The following CD1E variants were observed in gnomAD, a reference collection of about 807,000 sequenced individuals.
CD1E encodes the protein T-cell surface glycoprotein CD1e, membrane-associated.
CD1E carries 49 observed loss-of-function variants against 40.1 expected under a neutral mutation model. That is an observed-to-expected ratio of 1.22 (90% confidence interval 0.97 to 1.55). The LOEUF is 1.55. Among genes scored for constraint, CD1E ranks in the 40% most tolerant of loss-of-function variants. The pLI is 0.00. For synonymous variants in CD1E, 189 were observed against 178.3 expected (o/e 1.06, Z -0.48); for missense variants, 492 against 471.3 (o/e 1.04, Z -0.41).
chr1:158,356,842 G>A lies in CD1E; in HGVS notation c.1113G>A (p.Trp371Ter). Residue 371 changes from tryptophan (W) to a stop codon, truncating the protein, a stop_gained, in exon 6 of 6, where the codon TGG becomes TGA. Coordinates refer to ENST00000368167, the MANE Select transcript of CD1E (RefSeq NM_030893.4). LOFTEE classifies it low-confidence loss of function (END_TRUNC). ...AGTTCTGCTTGGCACAAGTATCGTG[G>A]ATCAAAAACAGAGTATTGAAGAAGT... is the stretch of plus-strand genomic sequence containing the variant. ...RHQFCLAQVS[W>*]IKNRVLKKWK... 2 of 1,613,806 alleles carry A rather than the reference G, an allele frequency of 1.2e-6. No homozygotes were observed.
Position 158,356,774 on chromosome 1 carries a change from C to G in CD1E, c.1045C>G (p.Leu349Val). The G allele has an allele frequency of 6.2e-7, 1 of 1,613,770 alleles. No homozygotes were observed. ...TCCCCACACACCCAGCCCTGTCTTT[C>G]TCATGGGAGCCAACACTCAGGACAC... is the stretch of plus-strand genomic sequence containing the variant. ...LSPHTPSPVF[L>V]MGANTQDTKN... The change falls in exon 6 of 6, where the codon CTC becomes GTC. Residue 349 changes from leucine (L) to valine (V), a missense_variant. By Grantham distance (32) the Leu-to-Val change is conservative. Coordinates refer to ENST00000368167, the MANE Select transcript of CD1E (RefSeq NM_030893.4).
In CD1E at chr1:158,355,905, T is replaced by A; in HGVS notation, c.704T>A (p.Phe235Tyr). Residue 235 changes from phenylalanine to tyrosine, a missense_variant, in exon 4 of 6, where the codon TTC becomes TAC. Physicochemically the swap from Phe to Tyr is conservative, Grantham distance 22. Coordinates refer to ENST00000368167, the MANE Select transcript of CD1E (RefSeq NM_030893.4). ...CAGCTTGTGTGCCATGTCTCAGGAT[T>A]CTACCCAAAGCCCGTGTGGGTGATG... Reference protein sequence around the residue: ...RLQLVCHVSGFYPKPVWVMWM... With the variant: ...RLQLVCHVSGYYPKPVWVMWM... The A allele has an allele frequency of 1.2e-6, 2 of 1,614,102 alleles. No homozygotes were observed. The highest frequency in any genetic ancestry group is 1.7e-6 in the Non-Finnish European group (2 of 1,180,026).
intron 2 of CD1E, 135 bp from the exon 3 acceptor site, chr1:158,355,165 T>G: frequency 1.2e-6 from 1 of 801,196 alleles, no homozygotes; most frequent in South Asian, 1.7e-5. Flanking sequence ...TTCTTCCCCT[T>G]TGCCAGTAAA....
chr1:158,355,644 A>G, intron 3 of CD1E, 75 bp downstream of exon 3: 2 of 1,506,342 alleles, frequency 1.3e-6, no homozygotes, highest in Non-Finnish European at 1.8e-6. Context: ...TCTCATCATC[A>G]TTTTGAAAGA....
intron 4 of CD1E, 42 bp downstream of exon 4, chr1:158,356,147 G>T (rs751555630): frequency 2.6e-5 from 42 of 1,606,474 alleles, no homozygotes; most frequent in Non-Finnish European, 1.1e-5. Flanking sequence ...AATGAAAATA[G>T]CCCTGGGGCT....
Position 158,355,449 on chromosome 1 carries a change from T to C in CD1E, c.505T>C (p.Cys169Arg). The C allele has an allele frequency of 6.2e-7, 1 of 1,614,108 alleles. No homozygotes were observed. Among genetic ancestry groups the C allele is most frequent in the Non-Finnish European group, 8.5e-7 (1 of 1,180,008 alleles). Reference protein sequence around the residue: ...PGAGIRAQNICKVLNRYLDIK... With the variant: ...PGAGIRAQNIRKVLNRYLDIK... ...AGCAGGGATCCGGGCCCAGAACATC[T>C]GTAAAGTGCTCAATCGCTACCTAGA... is the stretch of plus-strand genomic sequence containing the variant. Residue 169 changes from cysteine (C) to arginine (R), a missense_variant, in exon 3 of 6, where the codon TGT (cysteine) becomes CGT (arginine). Cys to Arg is a radical substitution (Grantham distance 180). Transcript: ENST00000368167.
In CD1E at chr1:158,356,843, A is replaced by G; in HGVS notation, c.1114A>G (p.Ile372Val). Reference sequence around the variant, plus strand: ...GTTCTGCTTGGCACAAGTATCGTGGATCAAAAACAGAGTATTGAAGAAGTG... The same window carrying G: ...GTTCTGCTTGGCACAAGTATCGTGGGTCAAAAACAGAGTATTGAAGAAGTG... ...HQFCLAQVSW[I>V]KNRVLKKWKT... is the part of the protein sequence containing the mutation. Residue 372 changes from isoleucine to valine, a missense_variant, in exon 6 of 6, where the codon ATC becomes GTC. Coordinates refer to ENST00000368167, the MANE Select transcript of CD1E (RefSeq NM_030893.4). 1 of 1,614,066 alleles carries G rather than the reference A, an allele frequency of 6.2e-7. No homozygotes were observed. The highest frequency in any genetic ancestry group is 1.6e-4 in the Middle Eastern group (1 of 6,062).
chr1:158,355,707 CAAGAGA>C (rs1395013309), intron 3 of CD1E, 114 bp from the exon 4 acceptor site: 2 of 1,416,974 alleles, frequency 1.4e-6, no homozygotes, highest in Non-Finnish European at 1.9e-6. Flanking sequence ...GTTTCTTAGA[CAAGAGA>C]AAGAAGTGAT....
At chr1:158,355,803 T>A in intron 3 of CD1E, 24 bp from the exon 4 acceptor site, 1 of 1,591,902 alleles carries the variant, frequency 6.3e-7, no homozygotes, top group Non-Finnish European at 8.6e-7. Context: ...AAATTCCATT[T>A]TTTTTCTATC....
At position 158,356,657 on chromosome 1, in the gene CD1E, CTT is replaced by C. The variant is rs35184522; in HGVS notation, c.999-61_999-60del. On this transcript the variant is annotated intron_variant, in intron 5 of 5. Coordinates refer to ENST00000368167, the MANE Select transcript of CD1E (RefSeq NM_030893.4). ...AATTCATTCCTTTTTCCTCTATCTT[CTT>C]TTTTTTTTTCTCTGCCTTTCCCCTT... The C allele has an allele frequency of 4.8e-3, 6,286 of 1,316,158 alleles. 196 individuals carry two copies. In the African/African-American group the frequency reaches 0.082, roughly 17 times the overall value. The allele number at this position is 1,316,158 out of a possible 1,614,324, so 81.5% of individuals were successfully genotyped here.
At position 158,356,581 on chromosome 1, in the gene CD1E, A is replaced by G; in HGVS notation, c.988A>G (p.Lys330Glu). Reference sequence around the variant, plus strand: ...ATTGGTTGTAGTTGACTCACGGTTAAAAAAACAGAGGTGAGCTTTTTCTTG... The same window carrying G: ...ATTGGTTGTAGTTGACTCACGGTTAGAAAAACAGAGGTGAGCTTTTTCTTG... ...VILVVVDSRL[K>E]KQSSNKNILS... The change falls in exon 5 of 6, where the codon AAA (lysine) becomes GAA (glutamate). Residue 330 changes from lysine (K) to glutamate (E), a missense_variant. Coordinates refer to ENST00000368167, the MANE Select transcript of CD1E (RefSeq NM_030893.4). 6 of 1,613,306 alleles carry G rather than the reference A, an allele frequency of 3.7e-6. No homozygotes were observed. Among genetic ancestry groups the G allele is most frequent in the Non-Finnish European group, 5.1e-6 (6 of 1,179,338 alleles).
Position 158,355,581 on chromosome 1 carries a change from T to C in CD1E, c.625+12T>C, listed in dbSNP as rs1653527738. ...ACTGAAACGGAAAGGTGAGCCCAAC[T>C]CTCTCTCTCCCCTCTTGTTCCTAGT... On this transcript the variant is annotated intron_variant, in intron 3 of 5. Coordinates refer to ENST00000368167, the MANE Select transcript of CD1E (RefSeq NM_030893.4). The C allele has an allele frequency of 1.9e-6, 3 of 1,609,654 alleles. No homozygotes were observed. The highest frequency in any genetic ancestry group is 2.5e-6 in the Non-Finnish European group (3 of 1,177,376).
chr1:158,354,421 C>T lies in CD1E; in HGVS notation c.103C>T (p.Leu35=). Residue 35 remains leucine (L), a synonymous_variant, in exon 2 of 6, where the codon CTG becomes TTG. Coordinates refer to ENST00000368167, the MANE Select transcript of CD1E (RefSeq NM_030893.4). ...CTATCATCTAGCAGCAGAGGAGCAG[C>T]TGTCCTTCCGCATGCTCCAAACTTC... ...QSYHLAAEEQ[L]SFRMLQTSSF... 2 of 1,613,694 alleles carry T rather than the reference C, an allele frequency of 1.2e-6. No homozygotes were observed. The highest frequency in any genetic ancestry group is 8.5e-7 in the Non-Finnish European group (1 of 1,179,780).
Position 158,354,241 on chromosome 1 carries a change from G to T in CD1E, c.59-136G>T. 3 of 956,714 alleles carry T rather than the reference G, an allele frequency of 3.1e-6. No individual in the cohort carries two copies. The East Asian group carries it at 7.2e-5, about 23-fold the overall frequency. The allele number at this position is 956,714 out of a possible 1,614,324, so 59.3% of individuals were successfully genotyped here. On this transcript the variant is annotated intron_variant, in intron 1 of 5. Coordinates refer to ENST00000368167, the MANE Select transcript of CD1E (RefSeq NM_030893.4). ...TCTCTGATTTTGGAGAAAGGAAGCT[G>T]GCCCCACAGGAAAAGGGTATTGGAG...
rs1400907669 is a variant in CD1E, at chr1:158,355,312, T to TC, written c.370dup (p.Gln124ProfsTer7). ...TGTCCACTCTCAGACCCCTTCGAGA[T>TC]CCAGATATTAGCTGGCTGTAGAATG... On this transcript the variant is annotated frameshift_variant, in exon 3 of 6. Transcript: ENST00000368167. LOFTEE classifies it high-confidence loss of function. 1 of 1,613,944 alleles carries TC rather than the reference T, an allele frequency of 6.2e-7. No individual in the cohort carries two copies. Among genetic ancestry groups the TC allele is most frequent in the Admixed American group, 1.7e-5 (1 of 60,012 alleles).
Position 158,355,293 on chromosome 1 carries a change from C to G in CD1E, c.356-7C>G. On this transcript the variant is annotated splice_polypyrimidine_tract_variant and splice_region_variant and intron_variant, in intron 2 of 5. Transcript: ENST00000368167. ...CATAATGATCTCTCTTCCCTGTCCA[C>G]TCTCAGACCCCTTCGAGATCCAGAT... 1 of 1,613,062 alleles carries G rather than the reference C, an allele frequency of 6.2e-7. No homozygotes were observed. The highest frequency in any genetic ancestry group is 8.5e-7 in the Non-Finnish European group (1 of 1,179,262).
Position 158,355,429 on chromosome 1 carries a change from G to A in CD1E, c.485G>A (p.Gly162Glu). Residue 162 changes from glycine (G) to glutamate (E), a missense_variant, in exon 3 of 6, where the codon GGG becomes GAG. Coordinates refer to ENST00000368167, the MANE Select transcript of CD1E (RefSeq NM_030893.4). ...TCCTGGGAGCCATCTCCAGGAGCAG[G>A]GATCCGGGCCCAGAACATCTGTAAA... ...GISWEPSPGA[G>E]IRAQNICKVL... The A allele has an allele frequency of 6.2e-7, 1 of 1,614,036 alleles. No individual in the cohort carries two copies. Among genetic ancestry groups the A allele is most frequent in the South Asian group, 1.1e-5 (1 of 91,072 alleles).
rs1361367877 is a variant in CD1E at position 158,355,811 on chromosome 1, ATCT to A, written c.626-7_626-5del. On this transcript the variant is annotated splice_polypyrimidine_tract_variant and intron_variant, in intron 3 of 5. Transcript: ENST00000368167. ...CCCTTCAAAATTCCATTTTTTTTCT[ATCT>A]TCTTCTTCCTAGTGAAGCCAGAGGC... 23 of 1,593,180 alleles carry A rather than the reference ATCT, an allele frequency of 1.4e-5. No homozygotes were observed. Among genetic ancestry groups the A allele is most frequent in the African/African-American group, 9.5e-5 (7 of 73,532 alleles).
In CD1E at chr1:158,357,071, T is replaced by C; in HGVS notation, c.*175T>C. The C allele has an allele frequency of 5.2e-6, 3 of 574,896 alleles. No homozygotes were observed. Among genetic ancestry groups the C allele is most frequent in the South Asian group, 2.3e-5 (1 of 42,562 alleles). The allele number at this position is 574,896 out of a possible 1,614,324, so 35.6% of individuals were successfully genotyped here. On this transcript the variant is annotated 3_prime_UTR_variant, in exon 6 of 6. Coordinates refer to ENST00000368167, the MANE Select transcript of CD1E (RefSeq NM_030893.4). ...TTTTTTTTTTCCTGCTTTGGCTACA[T>C]ATCCATCATTGTTTATTTTTGAAAC... is the stretch of plus-strand genomic sequence containing the variant.
Sources: gnomAD v4.1 joint callset for allele counts on GRCh38, gnomAD v4.1.1 for gene constraint, MANE v1.5 for transcripts, NCBI Gene and HGNC (gene_info 2026-07-23, HGNC 2026-07-21) for gene names.